Variants in BTBD9 observed in about 807,000 individuals in gnomAD.
BTBD9 encodes BTB/POZ domain-containing protein 9.
In BTBD9, 49 loss-of-function variants were observed where a neutral mutation model predicts 64.3. The ratio of observed to expected loss-of-function variants is 0.76; its 90% CI spans 0.61 to 0.97. The LOEUF is 0.97. Among genes scored for constraint, BTBD9 ranks in the 50% least tolerant of loss-of-function variants. The pLI is 0.00. For missense variants in BTBD9, 598 were observed against 762.1 expected (o/e 0.78, Z 2.53); for synonymous variants, 260 against 274.7 (o/e 0.95, Z 0.53).
At chr6:38,402,969 T>G in intron 6 of BTBD9, 1 of 620,036 alleles carries the variant, frequency 1.6e-6, no homozygotes, top group Non-Finnish European at 2.9e-6. Flanking sequence ...GCTACTCAGC[T>G]GGTTAAGGTG....
At chr6:38,420,111 T>C (rs1767838824) in intron 6 of BTBD9, among the ~76,000 whole-genome samples, 1 of 152,180 alleles carries the variant, frequency 6.6e-6, no homozygotes, top group East Asian at 1.9e-4. Flanking sequence ...CTTTCTAAGC[T>C]TTTAATTATT....
At chr6:38,300,223 G>C (rs1195944155) in intron 7 of BTBD9, among the ~76,000 whole-genome samples, 1 of 152,106 alleles carries the variant, frequency 6.6e-6, no homozygotes, top group African/African-American at 2.4e-5. Context: ...CTATATCTCT[G>C]TTTTGGAACC....
intron 6 of BTBD9, among the ~76,000 whole-genome samples, chr6:38,407,832 A>T (rs1193513018): frequency 6.6e-6 from 1 of 152,226 alleles, no homozygotes; most frequent in African/African-American, 2.4e-5. Flanking sequence ...CAATTAGAAG[A>T]CTAACAAAAT....
intron 9 of BTBD9, among the ~76,000 whole-genome samples, chr6:38,227,576 AGTG>A (rs1427651917): frequency 2.0e-5 from 3 of 152,208 alleles, no homozygotes; most frequent in Non-Finnish European, 4.4e-5. Flanking sequence ...GGCTGGCCAC[AGTG>A]GCAGGCTGAG....
At chr6:38,371,399 C>T (rs554862367) in intron 6 of BTBD9, among the ~76,000 whole-genome samples, 37 of 152,304 alleles carry the variant, frequency 2.4e-4, no homozygotes, top group Admixed American at 5.2e-4. Context: ...GCTAAGAACA[C>T]TTAGGATTAC....
chr6:38,186,766 A>G (rs1761836265), intron 10 of BTBD9, among the ~76,000 whole-genome samples: 1 of 152,212 alleles, frequency 6.6e-6, no homozygotes, highest in Admixed American at 6.5e-5. Flanking sequence ...AGTTTCTGCT[A>G]TTGACTTGGT....
At chr6:38,541,975 C>T (rs1489436000) in intron 6 of BTBD9, among the ~76,000 whole-genome samples, 1 of 152,102 alleles carries the variant, frequency 6.6e-6, no homozygotes, top group African/African-American at 2.4e-5. Flanking sequence ...ATGAACTTGA[C>T]TACATATTTA....
intron 1 of BTBD9, among the ~76,000 whole-genome samples, chr6:38,600,709 T>C (rs1777210927): frequency 6.6e-6 from 1 of 152,206 alleles, no homozygotes; most frequent in African/African-American, 2.4e-5. Context: ...TCATATTACT[T>C]ACTAAATGAC....
Position 38,169,687 on chromosome 6 carries a change from A to AGG in BTBD9, c.*5296_*5297dup. The AGG allele has an allele frequency of 6.6e-6, 1 of 152,344 alleles. No individual in the cohort carries two copies. The highest frequency in any genetic ancestry group is 3.4e-3 in the Middle Eastern group (1 of 294). 9.4% of individuals were successfully genotyped at this position (152,344 alleles called of 1,614,324 possible). On this transcript the variant is annotated 3_prime_UTR_variant, in exon 11 of 11. Coordinates refer to ENST00000481247, the MANE Select transcript of BTBD9 (RefSeq NM_001099272.2). The stretch of plus-strand genomic sequence containing the variant: ...CGCAGTGACAGCCTTGGGGAGGCTG[A>AGG]GGGGGCTCTGTCAACCAGGGGACAC...
intron 6 of BTBD9, among the ~76,000 whole-genome samples, chr6:38,449,048 T>G (rs901962521): frequency 6.6e-6 from 1 of 152,060 alleles, no homozygotes; most frequent in Non-Finnish European, 1.5e-5. Flanking sequence ...GAGGCAAGTG[T>G]TTAGGACAAA....
intron 1 of BTBD9, among the ~76,000 whole-genome samples, chr6:38,604,815 G>A (rs908293792): frequency 6.6e-6 from 1 of 152,126 alleles, no homozygotes; most frequent in African/African-American, 2.4e-5. Flanking sequence ...GAGGGAGACT[G>A]CAATACAAAC....
chr6:38,391,808 G>A (rs1490831778), intron 6 of BTBD9, among the ~76,000 whole-genome samples: 1 of 152,052 alleles, frequency 6.6e-6, no homozygotes, highest in Admixed American at 6.5e-5. Flanking sequence ...GGTGGCTCCC[G>A]AACAGGCAGC....
At chr6:38,189,973 CTTTT>C (rs55886750) in intron 10 of BTBD9, among the ~76,000 whole-genome samples, 1 of 135,504 alleles carries the variant, frequency 7.4e-6, no homozygotes. Context: ...CAGGCCCAGC[CTTTT>C]TTTTTTTTTT....
intron 6 of BTBD9, among the ~76,000 whole-genome samples, chr6:38,572,897 G>A (rs1246874149): frequency 4.0e-5 from 6 of 151,698 alleles, no homozygotes; most frequent in Non-Finnish European, 5.9e-5. Flanking sequence ...TGACAGATTT[G>A]AATACATTTT....
chr6:38,312,587 G>C (rs1224007481), intron 7 of BTBD9, among the ~76,000 whole-genome samples: 2 of 152,162 alleles, frequency 1.3e-5, no homozygotes, highest in Non-Finnish European at 2.9e-5. Flanking sequence ...TGTATATGGA[G>C]AGGGAGATAG....
intron 8 of BTBD9, among the ~76,000 whole-genome samples, chr6:38,258,842 A>C (rs969664885): frequency 1.3e-5 from 2 of 152,216 alleles, no homozygotes; most frequent in African/African-American, 4.8e-5. Flanking sequence ...GTGAGCTGAG[A>C]TCATACCACT....
At chr6:38,481,625 A>G (rs947225938) in intron 6 of BTBD9, 4 of 152,220 alleles carry the variant, frequency 2.6e-5, no homozygotes, top group Non-Finnish European at 5.9e-5. Flanking sequence ...CTCTCCCCTA[A>G]TGAGGCTGGC....
At chr6:38,217,007 C>T (rs1763027296) in intron 9 of BTBD9, among the ~76,000 whole-genome samples, 1 of 151,914 alleles carries the variant, frequency 6.6e-6, no homozygotes, top group African/African-American at 2.4e-5. Context: ...GGGAGCCACA[C>T]TTTAAGAATC....
intron 6 of BTBD9, among the ~76,000 whole-genome samples, chr6:38,447,330 T>C (rs1046486902): frequency 3.3e-5 from 5 of 152,092 alleles, no homozygotes; most frequent in African/African-American, 1.2e-4. Context: ...ATCAGAAAAA[T>C]GAGAAGAGGC....
Sources: allele counts gnomAD v4.1 joint callset (sites outside exome capture counted in the v4.1 genomes callset), GRCh38; gene constraint gnomAD v4.1.1; transcripts MANE v1.5; gene names NCBI Gene and HGNC (gene_info 2026-07-23, HGNC 2026-07-21).